Variants in PDE4B observed in about 807,000 individuals in gnomAD.
The protein encoded by PDE4B is phosphodiesterase 4B.
Under a neutral mutation model 82.2 loss-of-function variants are expected in PDE4B, and 20 were observed. The ratio of observed to expected loss-of-function variants is 0.24; its 90% CI spans 0.17 to 0.35. PDE4B has a LOEUF of 0.35. Ranked by LOEUF, PDE4B falls within the 10% of genes least tolerant of loss-of-function variation. PDE4B has a pLI of 1.00. For synonymous variants in PDE4B, 320 were observed against 318.9 expected, an observed-to-expected ratio of 1.00 and a Z score of -0.04; for missense variants, 655 against 907.2, an observed-to-expected ratio of 0.72 and a Z score of 3.57.
rs866032412 is a variant in PDE4B at position 66,164,758 on chromosome 1, T to C, written c.282-82702T>C. The stretch of plus-strand genomic sequence containing the variant: ...CTTTTTCTTTTTCTTTTCTTTTCTT[T>C]TTTTTTTTTTTTTTTTGAGACAGAG... On this transcript the variant is annotated intron_variant, in intron 3 of 16. Transcript: ENST00000341517. Among the ~76,000 whole-genome samples the C allele has an allele frequency of 1.7e-3, 76 of 45,568 alleles. No individual in the cohort carries two copies. The African/African-American group carries it at 0.018, about 11-fold the overall frequency. 29.9% of individuals were successfully genotyped at this position (45,568 alleles called of 152,430 possible).
At chr1:65,912,345 G>A (rs1345919159) in intron 1 of PDE4B, among the ~76,000 whole-genome samples, 1 of 152,102 alleles carries the variant, frequency 6.6e-6, no homozygotes, top group Non-Finnish European at 1.5e-5. Context: ...AACCCAAATA[G>A]TGAAGACAGT....
intron 3 of PDE4B, among the ~76,000 whole-genome samples, chr1:66,230,311 C>T (rs1340351133): frequency 6.6e-6 from 1 of 152,116 alleles, no homozygotes; most frequent in African/African-American, 2.4e-5. Context: ...GTTAGATAAG[C>T]CATGGTGGCA....
chr1:66,008,300 T>A (rs571162701), intron 3 of PDE4B, among the ~76,000 whole-genome samples: 2 of 152,286 alleles, frequency 1.3e-5, no homozygotes, highest in South Asian at 4.1e-4. Flanking sequence ...CATGTCATTG[T>A]ATTTGCAAAC....
Position 65,972,349 on chromosome 1 carries a change from G to T in PDE4B, c.281+53514G>T, listed in dbSNP as rs1181375055. The stretch of plus-strand genomic sequence containing the variant: ...CTTTATCTTGCCATATTTTGGAGAG[G>T]ATATTTTTTTGTCAATTGGGATTAT... On this transcript the variant is annotated intron_variant, in intron 3 of 16. Transcript: ENST00000341517. Among the ~76,000 whole-genome samples, 6 of 6,408 alleles carry T rather than the reference G, an allele frequency of 9.4e-4. No homozygotes were observed. The Non-Finnish European group carries it at 0.03, about 32-fold the overall frequency. 4.2% of individuals were successfully genotyped at this position (6,408 alleles called of 152,430 possible). A position where few individuals can be genotyped will look rare whatever the true frequency, so the allele number is the denominator to read the frequency against.
At chr1:66,355,427 C>A (rs1176070660) in intron 8 of PDE4B, 100 bp from the exon 9 acceptor site, 2 of 647,028 alleles carry the variant, frequency 3.1e-6, no homozygotes, top group South Asian at 2.3e-5. Flanking sequence ...GGTATCTGCT[C>A]ATCCAACCTC....
At chr1:66,117,780 A>G (rs1237495780) in intron 3 of PDE4B, among the ~76,000 whole-genome samples, 6 of 152,106 alleles carry the variant, frequency 3.9e-5, no homozygotes. Flanking sequence ...TTTCTTTTCT[A>G]TATGTCATTA....
At chr1:66,308,921 A>G (rs1658474953) in intron 7 of PDE4B, among the ~76,000 whole-genome samples, 1 of 152,180 alleles carries the variant, frequency 6.6e-6, no homozygotes. Context: ...TGCATGTTCT[A>G]CTCTATAGTA....
chr1:66,237,158 C>A (rs899248214), intron 3 of PDE4B, among the ~76,000 whole-genome samples: 2 of 152,180 alleles, frequency 1.3e-5, no homozygotes, highest in African/African-American at 4.8e-5. Flanking sequence ...CTTTCTCTCA[C>A]CCCTCCTCCC....
intron 3 of PDE4B, among the ~76,000 whole-genome samples, chr1:66,091,480 A>C (rs77368320): frequency 0.029 from 4,378 of 152,198 alleles, 234 homozygotes; most frequent in African/African-American, 0.099. Flanking sequence ...TTATGTAGCA[A>C]TTGCAAAGTA....
At chr1:66,044,622 A>G (rs1477583258) in intron 3 of PDE4B, among the ~76,000 whole-genome samples, 3 of 151,770 alleles carry the variant, frequency 2.0e-5, no homozygotes, top group Non-Finnish European at 4.4e-5. Context: ...ATTTGAGAAA[A>G]TTAGTGTAAT....
At chr1:66,125,836 C>T (rs955440697) in intron 3 of PDE4B, among the ~76,000 whole-genome samples, 5 of 152,136 alleles carry the variant, frequency 3.3e-5, no homozygotes, top group Admixed American at 6.5e-5. Flanking sequence ...GATGGAGTTT[C>T]GCTCTTGTTG....
intron 7 of PDE4B, among the ~76,000 whole-genome samples, chr1:66,298,163 T>G (rs975802928): frequency 3.9e-5 from 6 of 152,188 alleles, no homozygotes; most frequent in Non-Finnish European, 7.4e-5. Flanking sequence ...TTTGTTCTCA[T>G]GCTGACTCTT....
rs368045878 is a variant in PDE4B, at chr1:65,913,308, C to T, written c.-7C>T. The T allele has an allele frequency of 4.0e-5, 65 of 1,612,824 alleles. No individual in the cohort carries two copies. Among genetic ancestry groups the T allele is most frequent in the Non-Finnish European group, 5.3e-5 (63 of 1,179,116 alleles). On this transcript the variant is annotated 5_prime_UTR_variant, in exon 2 of 17. Transcript: ENST00000341517. Reference sequence around the variant, plus strand: ...CATCCTAAGAGGGGATATTTTCCACCTCTATAATGAAGAAAAGCAGGAGTG... The same window carrying T: ...CATCCTAAGAGGGGATATTTTCCACTTCTATAATGAAGAAAAGCAGGAGTG...
At chr1:66,154,716 T>C (rs563363746) in intron 3 of PDE4B, among the ~76,000 whole-genome samples, 5 of 152,312 alleles carry the variant, frequency 3.3e-5, no homozygotes, top group African/African-American at 1.2e-4. Context: ...ATCTTTTCCT[T>C]CTGCATGGAT....
chr1:66,214,995 T>C (rs962843388), intron 3 of PDE4B, among the ~76,000 whole-genome samples: 2 of 151,652 alleles, frequency 1.3e-5, no homozygotes, highest in African/African-American at 2.4e-5. Context: ...TGAAGAGCAG[T>C]GGGTAAAGAT....
intron 1 of PDE4B, among the ~76,000 whole-genome samples, chr1:65,850,693 A>G (rs534667087): frequency 1.3e-5 from 2 of 152,186 alleles, no homozygotes; most frequent in African/African-American, 4.8e-5. Flanking sequence ...GTGTGTGTAT[A>G]TATATATATT....
intron 3 of PDE4B, among the ~76,000 whole-genome samples, chr1:66,223,801 A>C (rs952041164): frequency 6.6e-6 from 1 of 152,108 alleles, no homozygotes; most frequent in Non-Finnish European, 1.5e-5. Flanking sequence ...AGTGCATGCC[A>C]TCAGACTATA....
intron 3 of PDE4B, among the ~76,000 whole-genome samples, chr1:66,235,401 G>A (rs1035322929): frequency 6.6e-6 from 1 of 151,972 alleles, no homozygotes; most frequent in African/African-American, 2.4e-5. Flanking sequence ...GAAATATTTA[G>A]AATTGTTATA....
At chr1:65,947,077 C>T (rs7527901) in intron 3 of PDE4B, among the ~76,000 whole-genome samples, 50,899 of 151,798 alleles carry the variant, frequency 0.34, 8,870 homozygotes, top group East Asian at 0.48. Flanking sequence ...GCACATCAGG[C>T]ACGGTTAACA....
Sources: allele counts gnomAD v4.1 joint callset (sites outside exome capture counted in the v4.1 genomes callset), GRCh38; gene constraint gnomAD v4.1.1; transcripts MANE v1.5; gene names NCBI Gene and HGNC (gene_info 2026-07-23, HGNC 2026-07-21).